ZNF277: variants seen among roughly 807,000 people sequenced by gnomAD.
ZNF277 encodes the protein nuclear receptor-interacting factor 4.
A neutral mutation model predicts 60.7 loss-of-function variants in ZNF277; 55 were observed. The observed-to-expected ratio is 0.91, with a 90% CI of 0.73 to 1.13. ZNF277 has a LOEUF of 1.13. Among genes scored for constraint, ZNF277 ranks in the 50% most tolerant of loss-of-function variants. The pLI is 0.00. For synonymous variants in ZNF277, 178 were observed against 179.3 expected, an observed-to-expected ratio of 0.99 and a Z score of 0.06; for missense variants, 510 against 523.0, an observed-to-expected ratio of 0.98 and a Z score of 0.24.
intron 4 of ZNF277, 60 bp from the exon 5 acceptor site, chr7:112,318,122 C>A: frequency 7.0e-7 from 1 of 1,423,728 alleles, no homozygotes. Context: ...CAGACTTTGA[C>A]ATTTTTTATT....
chr7:112,341,430 G>A (rs1175783103), intron 11 of ZNF277, among the ~76,000 whole-genome samples: 2 of 151,980 alleles, frequency 1.3e-5, no homozygotes, highest in African/African-American at 4.8e-5. Context: ...TCTATTCTGC[G>A]AGATACTTAG....
chr7:112,301,472 G>A lies in ZNF277; in HGVS notation c.465+5161G>A, dbSNP rs563180917. 2.6e-5 allele frequency among the ~76,000 whole-genome samples: 4 copies of A among 152,198 alleles called. No individual in the cohort carries two copies. In the South Asian group the frequency reaches 8.3e-4, roughly 32 times the overall value. The stretch of plus-strand genomic sequence containing the variant: ...TACCAGATATTTTCTAAATACTACT[G>A]ATATAGCAGTGGATAAAACAGGCAA... On this transcript the variant is annotated intron_variant, in intron 4 of 11. Coordinates refer to ENST00000361822, the MANE Select transcript of ZNF277 (RefSeq NM_021994.3).
intron 4 of ZNF277, among the ~76,000 whole-genome samples, chr7:112,309,296 A>G (rs1253875128): frequency 6.6e-5 from 10 of 152,108 alleles, no homozygotes; most frequent in Admixed American, 5.9e-4. Flanking sequence ...ACTGACTGGA[A>G]GAAAGACAGA....
At position 112,208,838 on chromosome 7, in the gene ZNF277, G is replaced by T. The variant is rs986222769; in HGVS notation, c.91+2031G>T. On this transcript the variant is annotated intron_variant, in intron 1 of 11. Transcript: ENST00000361822. Reference sequence around the variant, plus strand: ...TGGGACTACAGGCGCCAGCCAACAAGCCCGGCTAGTTTTTTGTATTTTTAG... The same window carrying T: ...TGGGACTACAGGCGCCAGCCAACAATCCCGGCTAGTTTTTTGTATTTTTAG... Among the ~76,000 whole-genome samples the T allele has an allele frequency of 2.6e-5, 4 of 151,906 alleles. 1 individual carries two copies. Among genetic ancestry groups the T allele is most frequent in the Admixed American group, 2.6e-4 (4 of 15,254 alleles).
Position 112,287,089 on chromosome 7 carries a change from T to C in ZNF277, c.293+15T>C, listed in dbSNP as rs373185990. ...GATTTCCAAAGGTAAGTTCTGTTTT[T>C]GTCCTTAAAAGAATTAAATTTGACC... is the stretch of plus-strand genomic sequence containing the variant. On this transcript the variant is annotated intron_variant, in intron 2 of 11. Transcript: ENST00000361822. 1 of 1,613,092 alleles carries C rather than the reference T, an allele frequency of 6.2e-7. No individual in the cohort carries two copies. The highest frequency in any genetic ancestry group is 1.3e-5 in the African/African-American group (1 of 74,920).
At chr7:112,261,555 A>G (rs1214237230) in intron 1 of ZNF277, among the ~76,000 whole-genome samples, 2 of 152,086 alleles carry the variant, frequency 1.3e-5, no homozygotes, top group Non-Finnish European at 2.9e-5. Context: ...GATGGAAAAA[A>G]TACTCCTTTT....
chr7:112,232,002 C>T (rs988843733), intron 1 of ZNF277, among the ~76,000 whole-genome samples: 1 of 147,816 alleles, frequency 6.8e-6, no homozygotes, highest in Non-Finnish European at 1.5e-5. Context: ...TTGGCGAAAA[C>T]AGCAACAGTA....
intron 4 of ZNF277, among the ~76,000 whole-genome samples, chr7:112,309,522 G>A (rs77366833): frequency 0.049 from 7,402 of 151,946 alleles, 583 homozygotes; most frequent in African/African-American, 0.17. Flanking sequence ...TTGAGGGTGT[G>A]CTTTGGGATG....
chr7:112,326,826 T>C (rs1214073726), intron 5 of ZNF277, among the ~76,000 whole-genome samples: 1 of 152,240 alleles, frequency 6.6e-6, no homozygotes, highest in Non-Finnish European at 1.5e-5. Flanking sequence ...GTACTTATAC[T>C]GATGAGGCTC....
At chr7:112,332,352 G>A (rs1275434005) in intron 7 of ZNF277, among the ~76,000 whole-genome samples, 1 of 152,132 alleles carries the variant, frequency 6.6e-6, no homozygotes, top group Non-Finnish European at 1.5e-5. Context: ...TTATAGGTAA[G>A]GGGACTGGGG....
chr7:112,299,880 A>G (rs143882201), intron 4 of ZNF277, among the ~76,000 whole-genome samples: 2 of 152,196 alleles, frequency 1.3e-5, no homozygotes, highest in Non-Finnish European at 2.9e-5. Flanking sequence ...GATGATTTGC[A>G]TATGTATTAT....
intron 4 of ZNF277, among the ~76,000 whole-genome samples, chr7:112,303,449 C>A (rs975022002): frequency 6.6e-6 from 1 of 151,844 alleles, no homozygotes; most frequent in African/African-American, 2.4e-5. Flanking sequence ...CTTGTATTTT[C>A]TTTTAAAACT....
At chr7:112,271,996 C>T (rs753919489) in intron 1 of ZNF277, among the ~76,000 whole-genome samples, 3 of 152,236 alleles carry the variant, frequency 2.0e-5, no homozygotes, top group Non-Finnish European at 2.9e-5. Flanking sequence ...CATTGTTACA[C>T]AGTATCATCA....
At chr7:112,221,517 A>T (rs1239147539) in intron 1 of ZNF277, among the ~76,000 whole-genome samples, 1 of 152,186 alleles carries the variant, frequency 6.6e-6, no homozygotes, top group African/African-American at 2.4e-5. Context: ...ATCCAAGCAC[A>T]TTACATTTAT....
chr7:112,296,383 T>TTG, intron 4 of ZNF277, 72 bp downstream of exon 4: 5 of 732,230 alleles, frequency 6.8e-6, no homozygotes, highest in African/African-American at 3.8e-5. Context: ...CATATTGGTT[T>TTG]TTTTTTTTTT....
chr7:112,238,081 ACC>A, intron 1 of ZNF277, among the ~76,000 whole-genome samples: 1 of 152,168 alleles, frequency 6.6e-6, no homozygotes, highest in Non-Finnish European at 1.5e-5. Flanking sequence ...ACAAGAAAGC[ACC>A]TTCATAAGAA....
chr7:112,235,137 T>C (rs1822453898), intron 1 of ZNF277, among the ~76,000 whole-genome samples: 1 of 152,100 alleles, frequency 6.6e-6, no homozygotes, highest in South Asian at 2.1e-4. Context: ...CGCTCCAATA[T>C]TATTTTTAAA....
intron 7 of ZNF277, among the ~76,000 whole-genome samples, chr7:112,332,661 CCTATTCCCTATTTT>C (rs901523528): frequency 3.9e-5 from 6 of 152,332 alleles, no homozygotes; most frequent in African/African-American, 7.2e-5. Context: ...ACTTCCTATT[CCTATTCCCTATTTT>C]CTATTCCCTA....
At chr7:112,225,231 T>TG (rs1822145007) in intron 1 of ZNF277, among the ~76,000 whole-genome samples, 1 of 152,100 alleles carries the variant, frequency 6.6e-6, no homozygotes, top group South Asian at 2.1e-4. Context: ...GCCAAACCAA[T>TG]GGTGGGCTTA....
Sources: gnomAD v4.1 joint callset for allele counts (sites outside exome capture counted in the v4.1 genomes callset) on GRCh38, gnomAD v4.1.1 for gene constraint, MANE v1.5 for transcripts, NCBI Gene and HGNC (gene_info 2026-07-23, HGNC 2026-07-21) for gene names.